TTC8: variants seen among roughly 807,000 people sequenced by gnomAD.
TTC8 encodes tetratricopeptide repeat protein 8.
A neutral mutation model predicts 72.5 loss-of-function variants in TTC8; 47 were observed. That is an observed-to-expected ratio of 0.65 (90% CI 0.51 to 0.83). TTC8 has a LOEUF of 0.83. Ranked by LOEUF, TTC8 falls within the 40% of genes least tolerant of loss-of-function variation. TTC8 has a pLI of 0.00. For synonymous variants in TTC8, 199 were observed against 221.4 expected (o/e 0.90, Z 0.90); for missense variants, 611 against 623.2 (o/e 0.98, Z 0.21).
intron 10 of TTC8, among the ~76,000 whole-genome samples, chr14:88,868,586 A>AT (rs1040872715): frequency 7.2e-5 from 11 of 152,160 alleles, no homozygotes; most frequent in South Asian, 2.1e-4. Flanking sequence ...CTAAAAACAC[A>AT]TTTTTTTTCA....
chr14:88,824,504 T>C (rs2094688875), upstream of TTC8: 3 of 586,100 alleles, frequency 5.1e-6, no homozygotes, highest in East Asian at 8.5e-5. Context: ...GACATCTTTT[T>C]CCAACCAAGT....
At position 88,871,657 on chromosome 14, in the gene TTC8, C is replaced by G; in HGVS notation, c.1158C>G (p.Ala386=). 1 of 1,614,066 alleles carries G rather than the reference C, an allele frequency of 6.2e-7. No homozygotes were observed. Among genetic ancestry groups the G allele is most frequent in the Non-Finnish European group, 8.5e-7 (1 of 1,180,012 alleles). ...TGACTCTGACCTCATTTGAACGTGC[C>G]CTTTCTTTGGCTGAAAATGAAGAAG... is the stretch of plus-strand genomic sequence containing the variant. ...YDMTLTSFER[A]LSLAENEEEA... Residue 386 remains alanine, a synonymous_variant, in exon 12 of 15, where the codon GCC becomes GCG. Coordinates refer to ENST00000380656, the MANE Select transcript of TTC8 (RefSeq NM_144596.4). This position sits in a 1 kb window ranked among gnomAD's most constrained non-coding sequence, Gnocchi z 4.1.
intron 2 of TTC8, 112 bp downstream of exon 2, chr14:88,833,834 AT>A (rs1167078924): frequency 1.1e-6 from 1 of 920,836 alleles, no homozygotes; most frequent in Non-Finnish European, 1.8e-6. Flanking sequence ...GGTTTATAAA[AT>A]TAGCCATATC....
intron 1 of TTC8, among the ~76,000 whole-genome samples, chr14:88,825,927 A>T (rs1415807438): frequency 6.6e-6 from 1 of 152,224 alleles, no homozygotes; most frequent in Non-Finnish European, 1.5e-5. Context: ...ATTAATTAAT[A>T]GGACTATATT....
intron 14 of TTC8, among the ~76,000 whole-genome samples, chr14:88,875,446 G>A (rs2094953669): frequency 1.3e-5 from 2 of 152,104 alleles, no homozygotes; most frequent in South Asian, 2.1e-4. Context: ...AAAATCCTGT[G>A]CATTATTTGT....
At position 88,877,430 on chromosome 14, in the gene TTC8, T is replaced by A. The variant is rs1410518688; in HGVS notation, c.*20T>A. 1.4e-5 allele frequency: 23 copies of A among 1,586,806 alleles called. No homozygotes were observed. Among genetic ancestry groups the A allele is most frequent in the Non-Finnish European group, 2.0e-5 (23 of 1,155,418 alleles). On this transcript the variant is annotated 3_prime_UTR_variant, in exon 15 of 15. Transcript: ENST00000380656. The stretch of plus-strand genomic sequence containing the variant: ...CTCTGATTGTTCCTTAGACCACATA[T>A]GTTCTTATGAAGCAGCATTATGCAA...
In TTC8 at chr14:88,870,213, C is replaced by A; in HGVS notation, c.1049+15C>A. Reference sequence around the variant, plus strand: ...CGGTTTTACAGGTGCACTTCACATCCAATTCTTAGAACCACTTTCCTGTGA... The same window carrying A: ...CGGTTTTACAGGTGCACTTCACATCAAATTCTTAGAACCACTTTCCTGTGA... On this transcript the variant is annotated intron_variant, in intron 11 of 14. Coordinates refer to ENST00000380656, the MANE Select transcript of TTC8 (RefSeq NM_144596.4). 3.7e-6 allele frequency: 6 copies of A among 1,613,346 alleles called. No homozygotes were observed. The highest frequency in any genetic ancestry group is 5.1e-6 in the Non-Finnish European group (6 of 1,179,386).
At chr14:88,833,794 A>G in intron 2 of TTC8, 72 bp downstream of exon 2, 1 of 1,434,644 alleles carries the variant, frequency 7.0e-7, no homozygotes, top group South Asian at 1.1e-5. Flanking sequence ...GTTGCTATAG[A>G]TTAGAAAATT....
intron 7 of TTC8, among the ~76,000 whole-genome samples, chr14:88,847,482 G>T (rs2140989276): frequency 6.6e-6 from 1 of 152,150 alleles, no homozygotes; most frequent in African/African-American, 2.4e-5. Context: ...TTTTATTCTT[G>T]GTAACAGTGA....
chr14:88,853,756 A>G (rs977034184), intron 8 of TTC8, among the ~76,000 whole-genome samples: 1 of 152,214 alleles, frequency 6.6e-6, no homozygotes, highest in African/African-American at 2.4e-5. Flanking sequence ...GAGAGATCAG[A>G]AGAGTCGTAA....
At position 88,824,929 on chromosome 14, in the gene TTC8, G is replaced by A. The variant is rs2094691914; in HGVS notation, c.114+108G>A. The A allele has an allele frequency of 6.2e-6, 7 of 1,125,750 alleles. No individual in the cohort carries two copies. In the South Asian group the frequency reaches 9.3e-5, roughly 15 times the overall value. 69.7% of individuals were successfully genotyped at this position (1,125,750 alleles called of 1,614,324 possible). On this transcript the variant is annotated intron_variant, in intron 1 of 14. Transcript: ENST00000380656. ...GCCGGGGAGGAAGGCCCGAGGCGGG[G>A]CTGACCGTTCGGCCCTCGGAGGCGC...
At chr14:88,876,509 A>G (rs79662440) in intron 14 of TTC8, among the ~76,000 whole-genome samples, 9,312 of 152,274 alleles carry the variant, frequency 0.061, 417 homozygotes, top group Non-Finnish European at 0.092. Flanking sequence ...GATTTGAAAT[A>G]TTCCCAACAC....
chr14:88,839,242 T>A (rs2094767864), intron 2 of TTC8, among the ~76,000 whole-genome samples: 1 of 152,218 alleles, frequency 6.6e-6, no homozygotes, highest in South Asian at 2.1e-4. Flanking sequence ...CTATTTACTA[T>A]GTAATTGATA....
At chr14:88,833,163 A>G (rs1462725181) in intron 1 of TTC8, among the ~76,000 whole-genome samples, 1 of 152,192 alleles carries the variant, frequency 6.6e-6, no homozygotes, top group Non-Finnish European at 1.5e-5. Flanking sequence ...TGCTGACTAG[A>G]CAGACATGTA....
chr14:88,880,074 A>C (rs1169337072), downstream of TTC8: 2 of 152,192 alleles, frequency 1.3e-5, no homozygotes, highest in African/African-American at 2.4e-5. Context: ...TTCAGAAAAC[A>C]AATATTTTAG....
In TTC8 at chr14:88,841,073, C is replaced by A; in HGVS notation, c.366C>A (p.Phe122Leu). The A allele has an allele frequency of 6.2e-7, 1 of 1,614,118 alleles. No homozygotes were observed. The highest frequency in any genetic ancestry group is 8.5e-7 in the Non-Finnish European group (1 of 1,180,002). The change falls in exon 5 of 15, where the codon TTC (phenylalanine) becomes TTA (leucine). Residue 122 changes from phenylalanine to leucine, a missense_variant. By Grantham distance (22) the Phe-to-Leu change is conservative. Transcript: ENST00000380656. ...ITQAGRPITG[F>L]LRPSTQSGRP... is the part of the protein sequence containing the mutation. ...AAGCTGGAAGACCCATTACAGGTTT[C>A]CTCAGGCCCAGCACGCAGAGTGGAA...
At chr14:88,829,679 C>T (rs1020058613) in intron 1 of TTC8, among the ~76,000 whole-genome samples, 1 of 152,120 alleles carries the variant, frequency 6.6e-6, no homozygotes, top group South Asian at 2.1e-4. Flanking sequence ...CTTACATTCT[C>T]GTTTTGCCCC....
At chr14:88,845,217 TTGA>T (rs1425867289) in intron 7 of TTC8, among the ~76,000 whole-genome samples, 2 of 152,018 alleles carry the variant, frequency 1.3e-5, no homozygotes, top group African/African-American at 4.8e-5. Context: ...GTGACAGAAC[TTGA>T]TGATAGATTT....
Position 88,877,615 on chromosome 14 carries a change from A to G in TTC8, c.*205A>G, listed in dbSNP as rs1488220149. ...GTAACTTTATAAAATAATATTATAA[A>G]ATACAGGATTTAAACCTTTCTAAAT... On this transcript the variant is annotated 3_prime_UTR_variant, in exon 15 of 15. Coordinates refer to ENST00000380656, the MANE Select transcript of TTC8 (RefSeq NM_144596.4). 11 of 455,638 alleles carry G rather than the reference A, an allele frequency of 2.4e-5. No homozygotes were observed. Among genetic ancestry groups the G allele is most frequent in the Non-Finnish European group, 4.3e-5 (11 of 255,906 alleles). 28.2% of individuals were successfully genotyped at this position (455,638 alleles called of 1,614,324 possible). A position where few individuals can be genotyped will look rare whatever the true frequency, so the allele number is the denominator to read the frequency against.
Sources: gnomAD v4.1 joint callset for allele counts (sites outside exome capture counted in the v4.1 genomes callset) on GRCh38, gnomAD v4.1.1 for gene constraint, Gnocchi (gnomAD v3.1) non-coding constraint, MANE v1.5 for transcripts, NCBI Gene and HGNC (gene_info 2026-07-23, HGNC 2026-07-21) for gene names.